The following IPO9 variants were observed in gnomAD, a reference collection of about 807,000 sequenced individuals.
IPO9 encodes importin 9, also known as importin-9.
In IPO9, 28 loss-of-function variants were observed where a neutral mutation model predicts 128.6. That is an observed-to-expected ratio of 0.22 (90% CI 0.16 to 0.30). The LOEUF (loss-of-function observed/expected upper bound fraction) is 0.30, where lower values mean the gene tolerates loss of function less well. Among genes scored for constraint, IPO9 ranks in the 10% least tolerant of loss-of-function variants. The pLI is 1.00. For missense variants in IPO9, 935 were observed against 1,293.9 expected (o/e 0.72, Z 4.26); for synonymous variants, 455 against 475.8 (o/e 0.96, Z 0.57).
chr1:201,881,695 C>CT lies in IPO9; in HGVS notation c.*5643dup, dbSNP rs1293495517. On this transcript the variant is annotated 3_prime_UTR_variant, in exon 24 of 24. Coordinates refer to ENST00000361565, the MANE Select transcript of IPO9 (RefSeq NM_018085.5). ...ACAGGGAAGTGATCAGGTTTTGTGTCTTAGAAAAGTGTTGCAGTGTTGATG... is the reference window on the plus strand; with the variant it reads ...ACAGGGAAGTGATCAGGTTTTGTGTCTTTAGAAAAGTGTTGCAGTGTTGATG... The CT allele has an allele frequency of 6.6e-6, 1 of 152,114 alleles. No individual in the cohort carries two copies. Among genetic ancestry groups the CT allele is most frequent in the Non-Finnish European group, 1.5e-5 (1 of 68,022 alleles). The allele number at this position is 152,114 out of a possible 1,614,324, so 9.4% of individuals were successfully genotyped here. A position where few individuals can be genotyped will look rare whatever the true frequency, so the allele number is the denominator to read the frequency against.
chr1:201,871,392 T>G, intron 19 of IPO9, 65 bp downstream of exon 19: 1 of 1,084,660 alleles, frequency 9.2e-7, no homozygotes, highest in East Asian at 3.1e-5. Flanking sequence ...TTTTTTTTTT[T>G]TTTTTTTTTT....
chr1:201,863,104 A>G (rs959189022), intron 13 of IPO9, among the ~76,000 whole-genome samples: 1 of 152,082 alleles, frequency 6.6e-6, no homozygotes, highest in Admixed American at 6.6e-5. Context: ...TAATCCCAGC[A>G]CTTTGGGAGG....
At chr1:201,853,886 G>A (rs1040106006) in intron 6 of IPO9, among the ~76,000 whole-genome samples, 5 of 152,180 alleles carry the variant, frequency 3.3e-5, no homozygotes, top group African/African-American at 1.2e-4. Flanking sequence ...CTACAGGCAC[G>A]CGCCATCATG....
rs755992542 is a variant in IPO9, at chr1:201,852,993, C to T, written c.604-18C>T. The T allele has an allele frequency of 6.2e-7, 1 of 1,608,654 alleles. No homozygotes were observed. The highest frequency in any genetic ancestry group is 1.1e-5 in the South Asian group (1 of 90,994). ...CCAGTCTCGTGGCTATGCTGTTATG[C>T]TGTAACCTTTCTTCCAGGTGTATGG... On this transcript the variant is annotated intron_variant, in intron 5 of 23. Transcript: ENST00000361565.
At chr1:201,839,999 A>G (rs1345637493) in intron 1 of IPO9, among the ~76,000 whole-genome samples, 2 of 152,238 alleles carry the variant, frequency 1.3e-5, no homozygotes, top group African/African-American at 4.8e-5. Flanking sequence ...TCAGACATAC[A>G]AAAAGTGTTT....
chr1:201,833,886 C>T (rs1309651183), intron 1 of IPO9, among the ~76,000 whole-genome samples: 5 of 152,088 alleles, frequency 3.3e-5, no homozygotes, highest in Non-Finnish European at 5.9e-5. Context: ...CCTGGGCTTA[C>T]GCAGTCCTCC....
chr1:201,843,391 GAA>G (rs869110450), intron 1 of IPO9, among the ~76,000 whole-genome samples: 1 of 150,160 alleles, frequency 6.7e-6, no homozygotes, highest in Non-Finnish European at 1.5e-5. Context: ...GGGAATGGGG[GAA>G]AAAAAAAGAA....
rs1680879564 is a variant in IPO9 at position 201,881,274 on chromosome 1, CTAACCT to C, written c.*5223_*5228del. The C allele has an allele frequency of 6.6e-6, 1 of 152,196 alleles. No homozygotes were observed. Among genetic ancestry groups the C allele is most frequent in the Admixed American group, 6.5e-5 (1 of 15,282 alleles). 9.4% of individuals were successfully genotyped at this position (152,196 alleles called of 1,614,324 possible). A position where few individuals can be genotyped will look rare whatever the true frequency, so the allele number is the denominator to read the frequency against. On this transcript the variant is annotated 3_prime_UTR_variant, in exon 24 of 24. Coordinates refer to ENST00000361565, the MANE Select transcript of IPO9 (RefSeq NM_018085.5). ...AAATACTTTTACCTCAGACCACCTACTAACCTTACAAAGTAGTCCACTTTGCTCACC... is the reference window on the plus strand; with the variant it reads ...AAATACTTTTACCTCAGACCACCTACTACAAAGTAGTCCACTTTGCTCACC...
intron 10 of IPO9, among the ~76,000 whole-genome samples, chr1:201,856,468 T>C (rs1680331144): frequency 6.6e-6 from 1 of 152,148 alleles, no homozygotes; most frequent in African/African-American, 2.4e-5. Context: ...ATTTTCACAA[T>C]AAATAGTCTA....
rs767895915 is a variant in IPO9 at position 201,868,752 on chromosome 1, A to G, written c.1960A>G (p.Ile654Val). The G allele has an allele frequency of 3.7e-6, 6 of 1,614,062 alleles. No individual in the cohort carries two copies. Among genetic ancestry groups the G allele is most frequent in the South Asian group, 1.1e-5 (1 of 91,044 alleles). ...GAGGCTGATTCCCACTCTGGTCAGC[A>G]TAATGCAGGCCCCAGCAGACAAGAT... ...QMRLIPTLVS[I>V]MQAPADKIPA... The change falls in exon 16 of 24, where the codon ATA becomes GTA. Residue 654 changes from isoleucine to valine, a missense_variant. Ile to Val is a conservative substitution (Grantham distance 29). Coordinates refer to ENST00000361565, the MANE Select transcript of IPO9 (RefSeq NM_018085.5).
In IPO9 at chr1:201,829,211, TGGCGGC is replaced by T; in HGVS notation, c.12_17del (p.AlaAla6_?7). On this transcript the variant is annotated start_lost and inframe_deletion, in exon 1 of 24. Transcript: ENST00000361565. ...GCTGGCGGGCTGAGGGGAGAAAAGATGGCGGCGGCGGCGGCAGCTGGTGCGGCCTCC... is the reference window on the plus strand; with the variant it reads ...GCTGGCGGGCTGAGGGGAGAAAAGATGGCGGCGGCAGCTGGTGCGGCCTCC... 5 of 1,545,470 alleles carry T rather than the reference TGGCGGC, an allele frequency of 3.2e-6. No individual in the cohort carries two copies. Among genetic ancestry groups the T allele is most frequent in the African/African-American group, 1.4e-5 (1 of 70,514 alleles).
intron 14 of IPO9, among the ~76,000 whole-genome samples, chr1:201,865,659 A>G (rs1680540212): frequency 1.3e-5 from 2 of 152,256 alleles, no homozygotes; most frequent in Non-Finnish European, 2.9e-5. Flanking sequence ...CTCTGAAACA[A>G]GATACTGATT....
Position 201,829,282 on chromosome 1 carries a change from T to C in IPO9, c.73T>C (p.Leu25=), listed in dbSNP as rs745425827. 2.5e-6 allele frequency: 4 copies of C among 1,601,270 alleles called. No homozygotes were observed. The South Asian group carries it at 4.5e-5, about 18-fold the overall frequency. ...AGTGGCACAAGGATTAAAGGAAGCG[T>C]TAGTGGATACGCTCACCGGGATCCT... The part of the protein sequence containing the change: ...GPVAQGLKEA[L]VDTLTGILSP... The change falls in exon 1 of 24, where the codon TTA becomes CTA. Residue 25 remains leucine (L), a synonymous_variant. Transcript: ENST00000361565.
chr1:201,846,618 C>G (rs1475954873), intron 1 of IPO9, among the ~76,000 whole-genome samples: 1 of 152,074 alleles, frequency 6.6e-6, no homozygotes, highest in Non-Finnish European at 1.5e-5. Context: ...TGTGATCCAC[C>G]TGCCTTGGCC....
intron 4 of IPO9, chr1:201,850,798 A>G (rs1205147147): frequency 1.3e-5 from 2 of 152,218 alleles, no homozygotes; most frequent in African/African-American, 4.8e-5. Flanking sequence ...TAAATAAAAT[A>G]GAACACTCAC....
chr1:201,850,193 C>T (rs1448042468), intron 4 of IPO9, among the ~76,000 whole-genome samples: 1 of 152,190 alleles, frequency 6.6e-6, no homozygotes, highest in Non-Finnish European at 1.5e-5. Context: ...AAATTTGTCT[C>T]CTTTTGTAAT....
chr1:201,858,549 C>T lies in IPO9; in HGVS notation c.1324C>T (p.His442Tyr), dbSNP rs1446031793. ...GCAAACCAAAAACAGTGGCACTGAGCACTGGTAAGAGTGAGCCGCTAATTG... is the reference window on the plus strand; with the variant it reads ...GCAAACCAAAAACAGTGGCACTGAGTACTGGTAAGAGTGAGCCGCTAATTG... Reference protein sequence around the residue: ...AEQTKNSGTEHWWKIHEACML... With the variant: ...AEQTKNSGTEYWWKIHEACML... The change falls in exon 12 of 24, where the codon CAC becomes TAC. Residue 442 changes from histidine to tyrosine, a missense_variant. His to Tyr is a moderately conservative substitution (Grantham distance 83). Transcript: ENST00000361565. 1 of 1,563,512 alleles carries T rather than the reference C, an allele frequency of 6.4e-7. No individual in the cohort carries two copies. Among genetic ancestry groups the T allele is most frequent in the East Asian group, 2.3e-5 (1 of 44,372 alleles).
chr1:201,852,278 A>G (rs559168950), intron 5 of IPO9, 86 bp downstream of exon 5: 24 of 772,868 alleles, frequency 3.1e-5, no homozygotes, highest in Middle Eastern at 4.7e-4. Context: ...GGTGTTTGCA[A>G]CTGATCTCAA....
Position 201,876,110 on chromosome 1 carries a change from G to T in IPO9, c.*56G>T. The T allele has an allele frequency of 8.8e-7, 1 of 1,140,940 alleles. No homozygotes were observed. Among genetic ancestry groups the T allele is most frequent in the Non-Finnish European group, 1.3e-6 (1 of 748,012 alleles). 70.7% of individuals were successfully genotyped at this position (1,140,940 alleles called of 1,614,324 possible). A position where few individuals can be genotyped will look rare whatever the true frequency, so the allele number is the denominator to read the frequency against. On this transcript the variant is annotated 3_prime_UTR_variant, in exon 24 of 24. Coordinates refer to ENST00000361565, the MANE Select transcript of IPO9 (RefSeq NM_018085.5). ...TGGGCCAGCCGCAAACCATTTTGCA[G>T]CCCTCACTGGCCTTGAGATGCACTT...
Sources: allele counts gnomAD v4.1 joint callset (sites outside exome capture counted in the v4.1 genomes callset), GRCh38; gene constraint gnomAD v4.1.1; transcripts MANE v1.5; gene names NCBI Gene and HGNC (gene_info 2026-07-23, HGNC 2026-07-21).